The following U2AF2 variants were observed in gnomAD, a reference collection of about 807,000 sequenced individuals.
The protein encoded by U2AF2 is U2 small nuclear RNA auxiliary factor 2.
U2AF2 carries 6 observed loss-of-function variants against 52.6 expected under a neutral mutation model. The ratio of observed to expected loss-of-function variants is 0.11; its 90% CI spans 0.06 to 0.23. The LOEUF is 0.23. Ranked by LOEUF, U2AF2 falls within the 10% of genes least tolerant of loss-of-function variation. The pLI, the probability that U2AF2 is intolerant of heterozygous loss-of-function variation, is 1.00. For synonymous variants in U2AF2, 284 were observed against 258.2 expected, an observed-to-expected ratio of 1.10 and a Z score of -0.96; for missense variants, 222 against 677.1, an observed-to-expected ratio of 0.33 and a Z score of 7.46.
At chr19:55,655,373 C>T (rs1178831695) in intron 1 of U2AF2, among the ~76,000 whole-genome samples, 1 of 152,166 alleles carries the variant, frequency 6.6e-6, no homozygotes, top group Non-Finnish European at 1.5e-5. Flanking sequence ...GTGACGCATG[C>T]GCACGGCGGC....
rs148683343 is a variant in U2AF2, at chr19:55,665,848, C to T, written c.742+2104C>T. Among the ~76,000 whole-genome samples the T allele has an allele frequency of 3.1e-3, 479 of 152,286 alleles. 6 individuals are homozygous for T. The highest frequency in any genetic ancestry group is 0.011 in the African/African-American group (458 of 41,554). On this transcript the variant is annotated intron_variant, in intron 7 of 11. Coordinates refer to ENST00000308924, the MANE Select transcript of U2AF2 (RefSeq NM_007279.3). The stretch of plus-strand genomic sequence containing the variant: ...GTTTTTAGTAGAGATGGGGTTTCAC[C>T]ATGTTGGCCAGGCTGGTCTCAAACT...
chr19:55,666,329 G>A (rs899966340), intron 7 of U2AF2, among the ~76,000 whole-genome samples: 4 of 152,354 alleles, frequency 2.6e-5, no homozygotes, highest in East Asian at 3.9e-4. Context: ...AGATGCAGCC[G>A]CTGCAGAGGT....
intron 11 of U2AF2, among the ~76,000 whole-genome samples, chr19:55,673,375 A>G (rs1189507468): frequency 1.3e-5 from 2 of 149,300 alleles, no homozygotes; most frequent in Non-Finnish European, 3.0e-5. Flanking sequence ...TTCATCTGCT[A>G]TATAGAATTT....
At chr19:55,661,225 T>C (rs774225967) in intron 5 of U2AF2, 36 bp downstream of exon 5, 30 of 1,524,946 alleles carry the variant, frequency 2.0e-5, no homozygotes, top group Non-Finnish European at 2.6e-5. Flanking sequence ...CTCTCCCTTG[T>C]CCCTCTACCC....
chr19:55,655,093 G>T lies in U2AF2; in HGVS notation c.-12G>T. 6 of 1,605,880 alleles carry T rather than the reference G, an allele frequency of 3.7e-6. No homozygotes were observed. Among genetic ancestry groups the T allele is most frequent in the Non-Finnish European group, 5.1e-6 (6 of 1,177,228 alleles). ...GCGAAAGCTGCACAGGGCCCTACGC[G>T]GCCGCCTCAGCATGTCGGACTTCGA... On this transcript the variant is annotated 5_prime_UTR_variant, in exon 1 of 12. Coordinates refer to ENST00000308924, the MANE Select transcript of U2AF2 (RefSeq NM_007279.3).
intron 1 of U2AF2, 39 bp from the exon 2 acceptor site, chr19:55,659,157 GGCCCGCATCCTTAC>G: frequency 6.8e-7 from 1 of 1,466,846 alleles, no homozygotes. Context: ...GGGTGGGCTG[GGCCCGCATCCTTAC>G]TCCGCTTATC....
chr19:55,663,891 T>G, intron 7 of U2AF2, 147 bp downstream of exon 7: 1 of 1,219,916 alleles, frequency 8.2e-7, no homozygotes, highest in Non-Finnish European at 1.1e-6. Context: ...CCTAAGTCTC[T>G]GTGAGTGGGG....
In U2AF2 at chr19:55,660,624, GC is replaced by G; in HGVS notation, c.334+9del. The G allele has an allele frequency of 6.2e-7, 1 of 1,612,552 alleles. No individual in the cohort carries two copies. On this transcript the variant is annotated splice_donor_region_variant and intron_variant, in intron 4 of 11. Coordinates refer to ENST00000308924, the MANE Select transcript of U2AF2 (RefSeq NM_007279.3). Reference sequence around the variant, plus strand: ...TGCAGTACAAGGCCATGCAAGGTAGGCCCCTGGCCAGGCTGCTCCCAGAGCG... The same window carrying G: ...TGCAGTACAAGGCCATGCAAGGTAGGCCCTGGCCAGGCTGCTCCCAGAGCG...
intron 1 of U2AF2, among the ~76,000 whole-genome samples, chr19:55,658,433 T>C (rs949471354): frequency 3.3e-5 from 5 of 151,970 alleles, no homozygotes; most frequent in Non-Finnish European, 5.9e-5. Flanking sequence ...CTCAGGCAAA[T>C]AGAGGGTTGA....
Position 55,659,419 on chromosome 19 carries a change from T to C in U2AF2, c.185+74T>C. The C allele has an allele frequency of 1.7e-5, 24 of 1,388,112 alleles. 1 individual carries two copies. The highest frequency in any genetic ancestry group is 2.2e-5 in the Non-Finnish European group (23 of 1,064,278). 86.0% of individuals were successfully genotyped at this position (1,388,112 alleles called of 1,614,324 possible). On this transcript the variant is annotated intron_variant, in intron 2 of 11. Transcript: ENST00000308924. ...GGTGTTGGCCGGCCTGTGGGTGGCC[T>C]GTGTGTGTCTGTGTCTGGGTCCGGG...
intron 11 of U2AF2, chr19:55,671,480 T>C (rs1984917470): frequency 6.6e-6 from 1 of 152,096 alleles, no homozygotes; most frequent in Non-Finnish European, 1.5e-5. Flanking sequence ...GACAGGTCTG[T>C]GTTCCCAGCA....
At chr19:55,658,093 CTG>C (rs1194235335) in intron 1 of U2AF2, among the ~76,000 whole-genome samples, 1 of 152,148 alleles carries the variant, frequency 6.6e-6, no homozygotes, top group Non-Finnish European at 1.5e-5. Context: ...AGACAAAACA[CTG>C]TGGGTGAGGC....
intron 2 of U2AF2, 61 bp downstream of exon 2, chr19:55,659,406 C>A (rs867677291): frequency 4.3e-6 from 6 of 1,407,892 alleles, no homozygotes; most frequent in Non-Finnish European, 5.6e-6. Flanking sequence ...TGTTGGCCGG[C>A]CTGTGGGTGG....
Position 55,674,309 on chromosome 19 carries a change from A to C in U2AF2, c.*241A>C. ...GCCCACACAGACAACACGCACCCAC[A>C]CAGACACAGAGGGAAGGGGTTGGGA... is the stretch of plus-strand genomic sequence containing the variant. On this transcript the variant is annotated 3_prime_UTR_variant, in exon 12 of 12. Coordinates refer to ENST00000308924, the MANE Select transcript of U2AF2 (RefSeq NM_007279.3). The C allele has an allele frequency of 2.0e-6, 1 of 498,324 alleles. No homozygotes were observed. The highest frequency in any genetic ancestry group is 3.7e-5 in the East Asian group (1 of 27,118). The allele number at this position is 498,324 out of a possible 1,614,324, so 30.9% of individuals were successfully genotyped here.
chr19:55,658,865 C>G (rs1003048376), intron 1 of U2AF2: 2 of 241,284 alleles, frequency 8.3e-6, no homozygotes, highest in Admixed American at 1.1e-4. Context: ...TCCCCAGCCT[C>G]TAGCCCTGCC....
intron 3 of U2AF2, 108 bp from the exon 4 acceptor site, chr19:55,660,408 T>C (rs1252238300): frequency 5.4e-6 from 6 of 1,111,782 alleles, no homozygotes; most frequent in Non-Finnish European, 7.9e-6. Context: ...AGAGTGGAGC[T>C]TACATGGTTG....
At chr19:55,672,420 C>T (rs577449698) in intron 11 of U2AF2, among the ~76,000 whole-genome samples, 4 of 152,114 alleles carry the variant, frequency 2.6e-5, no homozygotes, top group South Asian at 4.1e-4. Context: ...TATTATTTCT[C>T]AATTAACATT....
At chr19:55,655,854 C>G (rs902660589) in intron 1 of U2AF2, among the ~76,000 whole-genome samples, 2 of 152,250 alleles carry the variant, frequency 1.3e-5, no homozygotes, top group African/African-American at 2.4e-5. Flanking sequence ...CGCACACATC[C>G]TGCATATGCG....
chr19:55,671,386 G>GA (rs1984911128), intron 11 of U2AF2: 1 of 8,612 alleles, frequency 1.2e-4, no homozygotes. Flanking sequence ...GCACCTTGTC[G>GA]GGGGTGAGCG....
Sources: gnomAD v4.1 joint callset for allele counts (sites outside exome capture counted in the v4.1 genomes callset) on GRCh38, gnomAD v4.1.1 for gene constraint, MANE v1.5 for transcripts, NCBI Gene and HGNC (gene_info 2026-07-23, HGNC 2026-07-21) for gene names.